Variants in NFRKB observed in about 807,000 individuals in gnomAD.
The protein encoded by NFRKB is nuclear factor related to kappa-B-binding protein.
In NFRKB, 62 loss-of-function variants were observed where a neutral mutation model predicts 135.7. The observed-to-expected ratio is 0.46, with a 90% CI of 0.37 to 0.56. The LOEUF (loss-of-function observed/expected upper bound fraction) is 0.56. Ranked by LOEUF, NFRKB falls within the 20% of genes least tolerant of loss-of-function variation. NFRKB has a pLI of 0.00. For missense variants in NFRKB, 1,545 were observed against 1,662.0 expected, an observed-to-expected ratio of 0.93 and a Z score of 1.22; for synonymous variants, 678 against 635.6, an observed-to-expected ratio of 1.07 and a Z score of -1.00.
chr11:129,865,277 C>G (rs370536159), intron 25 of NFRKB, among the ~76,000 whole-genome samples, 176 bp from the exon 26 acceptor site: 6 of 152,200 alleles, frequency 3.9e-5, no homozygotes, highest in Non-Finnish European at 5.9e-5. Flanking sequence ...CACCACTTCC[C>G]ATGGCAGGAG....
chr11:129,867,260 CAAGT>C (rs1029943267), intron 24 of NFRKB, among the ~76,000 whole-genome samples: 16 of 151,006 alleles, frequency 1.1e-4, no homozygotes, highest in Non-Finnish European at 2.2e-4. Context: ...AAAAGTGGAT[CAAGT>C]GAGTGCAGTT....
intron 3 of NFRKB, among the ~76,000 whole-genome samples, chr11:129,892,339 T>C (rs948707023): frequency 7.3e-6 from 1 of 136,188 alleles, no homozygotes; most frequent in Non-Finnish European, 1.7e-5. Flanking sequence ...CTTAGAATAA[T>C]GACCTCCAAT....
Position 129,876,726 on chromosome 11 carries a change from G to A in NFRKB, c.1742C>T (p.Ser581Phe). Residue 581 changes from serine (S) to phenylalanine (F), a missense_variant, in exon 17 of 27, where the codon TCT (serine) becomes TTT (phenylalanine). Ser to Phe is a radical substitution (Grantham distance 155). This residue lies in a region of NFRKB where 114 missense variants were observed against 211.0 expected (regional missense o/e 0.54). Transcript: ENST00000682444. The part of the protein sequence containing the change: ...SDRPAYVTIL[S>F]LVRDAAARLP... ...AATCGACACGTGCCACCTACCAAGA[G>A]ACAGAATGGTGACGTAGGCAGGCCG... 1 of 1,612,848 alleles carries A rather than the reference G, an allele frequency of 6.2e-7. No homozygotes were observed. The highest frequency in any genetic ancestry group is 8.5e-7 in the Non-Finnish European group (1 of 1,179,410).
At chr11:129,889,044 T>C (rs1337470602) in intron 3 of NFRKB, among the ~76,000 whole-genome samples, 1 of 151,862 alleles carries the variant, frequency 6.6e-6, no homozygotes, top group Non-Finnish European at 1.5e-5. Flanking sequence ...AATGGCACGA[T>C]CTCTGCTCCC....
At chr11:129,869,093 T>G (rs1326137660) in intron 24 of NFRKB, among the ~76,000 whole-genome samples, 1 of 152,282 alleles carries the variant, frequency 6.6e-6, no homozygotes, top group East Asian at 1.9e-4. Flanking sequence ...AAACTACGTG[T>G]ACATGTATGA....
chr11:129,883,778 G>A (rs1251463451), intron 8 of NFRKB, among the ~76,000 whole-genome samples: 1 of 151,828 alleles, frequency 6.6e-6, no homozygotes, highest in Non-Finnish European at 1.5e-5. Context: ...CTGGCTATAG[G>A]ACCAAGGACA....
chr11:129,887,711 C>G (rs1469640196), intron 4 of NFRKB, among the ~76,000 whole-genome samples: 1 of 152,224 alleles, frequency 6.6e-6, no homozygotes. Context: ...TACACAGCTA[C>G]TCTAAAGGAC....
intron 17 of NFRKB, among the ~76,000 whole-genome samples, chr11:129,875,884 T>C (rs896513570): frequency 6.6e-6 from 1 of 152,064 alleles, no homozygotes; most frequent in East Asian, 1.9e-4. Flanking sequence ...CTTGAACTCC[T>C]GAGCTCAGGT....
rs917311511 is a variant in NFRKB at position 129,885,554 on chromosome 11, C to T, written c.521G>A (p.Arg174His). ...SGPALPFRQK[R>H]PSPSRTPEER... Reference sequence around the variant, plus strand: ...CTCAGGTGTGCGGGATGGTGAAGGGCGTTTCTGCCGGAAGGGAAGGGCGGG... The same window carrying T: ...CTCAGGTGTGCGGGATGGTGAAGGGTGTTTCTGCCGGAAGGGAAGGGCGGG... Residue 174 changes from arginine (R) to histidine (H), a missense_variant, in exon 6 of 27, where the codon CGC becomes CAC. Transcript: ENST00000682444. The T allele has an allele frequency of 4.3e-6, 7 of 1,613,776 alleles. No homozygotes were observed. The African/African-American group carries it at 8.0e-5, about 18-fold the overall frequency.
rs769153086 is a variant in NFRKB, at chr11:129,885,555, G to A, written c.520C>T (p.Arg174Cys). 8.7e-6 allele frequency: 14 copies of A among 1,613,868 alleles called. No individual in the cohort carries two copies. Among genetic ancestry groups the A allele is most frequent in the South Asian group, 2.2e-5 (2 of 91,082 alleles). ...SGPALPFRQKRPSPSRTPEER... is the reference protein window; with the variant it reads ...SGPALPFRQKCPSPSRTPEER... ...TCAGGTGTGCGGGATGGTGAAGGGCGTTTCTGCCGGAAGGGAAGGGCGGGG... is the reference window on the plus strand; with the variant it reads ...TCAGGTGTGCGGGATGGTGAAGGGCATTTCTGCCGGAAGGGAAGGGCGGGG... The change falls in exon 6 of 27, where the codon CGC (arginine) becomes TGC (cysteine). Residue 174 changes from arginine (R) to cysteine (C), a missense_variant. Arg to Cys is a radical substitution (Grantham distance 180). Coordinates refer to ENST00000682444, the MANE Select transcript of NFRKB (RefSeq NM_001143835.2).
At chr11:129,894,831 CCTT>C (rs1475685871) in intron 1 of NFRKB, among the ~76,000 whole-genome samples, 11 of 152,210 alleles carry the variant, frequency 7.2e-5, no homozygotes, top group African/African-American at 2.4e-4. Context: ...CAGAATAAAA[CCTT>C]CTTAACAGAA....
At chr11:129,887,023 C>T (rs1030812445) in intron 4 of NFRKB, among the ~76,000 whole-genome samples, 2 of 152,214 alleles carry the variant, frequency 1.3e-5, no homozygotes, top group African/African-American at 4.8e-5. Flanking sequence ...GAAAAGGCTA[C>T]TCTCTCTGGT....
chr11:129,883,174 A>C lies in NFRKB; in HGVS notation c.849T>G (p.Thr283=). The C allele has an allele frequency of 6.2e-7, 1 of 1,614,094 alleles. No individual in the cohort carries two copies. The change falls in exon 9 of 27, where the codon ACT becomes ACG. Residue 283 remains threonine, a synonymous_variant. Transcript: ENST00000682444. ...TTACTCGAGTCATGATGTCATTGAG[A>C]GTCAGGTCCCCTGTCAAAAGGTCCG... is the stretch of plus-strand genomic sequence containing the variant. ...DHPDLLTGDL[T]LNDIMTRVNA... is the part of the protein sequence containing the mutation.
At chr11:129,888,510 G>A (rs1373987823) in intron 4 of NFRKB, 84 bp downstream of exon 4, 3 of 1,312,092 alleles carry the variant, frequency 2.3e-6, no homozygotes, top group Non-Finnish European at 3.3e-6. Context: ...ATAAAAAGAA[G>A]AAAAGGAAGA....
intron 24 of NFRKB, among the ~76,000 whole-genome samples, chr11:129,869,277 A>G (rs1177367828): frequency 6.6e-6 from 1 of 152,204 alleles, no homozygotes; most frequent in African/African-American, 2.4e-5. Context: ...CAAAGGAAAC[A>G]CAGTCTGACA....
chr11:129,871,675 G>C (rs934242891), intron 23 of NFRKB, among the ~76,000 whole-genome samples: 1 of 152,056 alleles, frequency 6.6e-6, no homozygotes, highest in Non-Finnish European at 1.5e-5. Context: ...TCTGATGAAC[G>C]GTCACTCCCA....
chr11:129,879,150 A>T (rs1173521270), intron 13 of NFRKB, among the ~76,000 whole-genome samples: 2 of 152,176 alleles, frequency 1.3e-5, no homozygotes, highest in Non-Finnish European at 2.9e-5. Context: ...TGCCCAGCAT[A>T]GAAGCCACAG....
At chr11:129,878,688 C>T in intron 13 of NFRKB, 145 bp from the exon 14 acceptor site, 1 of 718,304 alleles carries the variant, frequency 1.4e-6, no homozygotes, top group Non-Finnish European at 2.3e-6. Flanking sequence ...CACTGCCTTC[C>T]AGCTGGCGGA....
chr11:129,885,396 C>A (rs1198810731), intron 6 of NFRKB, 39 bp downstream of exon 6: 1 of 1,572,796 alleles, frequency 6.4e-7, no homozygotes. Flanking sequence ...CGGTATCCAT[C>A]CAATACCCCA....
Sources: allele counts gnomAD v4.1 joint callset (sites outside exome capture counted in the v4.1 genomes callset), GRCh38; gene constraint gnomAD v4.1.1; regional missense constraint gnomAD v4.1.1; transcripts MANE v1.5; gene names NCBI Gene and HGNC (gene_info 2026-07-23, HGNC 2026-07-21).